Variants in CRABP1 observed in about 807,000 individuals in gnomAD.
The protein encoded by CRABP1 is cellular retinoic acid-binding protein 1.
A neutral mutation model predicts 16.4 loss-of-function variants in CRABP1; 9 were observed. The ratio of observed to expected loss-of-function variants is 0.55; its 90% confidence interval spans 0.33 to 0.96. CRABP1 has a LOEUF of 0.96. Among genes scored for constraint, CRABP1 ranks in the 40% least tolerant of loss-of-function variants. CRABP1 has a pLI of 0.03. For synonymous variants in CRABP1, 72 were observed against 70.4 expected (o/e 1.02, Z -0.11); for missense variants, 157 against 186.0 (o/e 0.84, Z 0.91).
chr15:78,343,976 T>G (rs949834933), intron 3 of CRABP1, among the ~76,000 whole-genome samples: 4 of 152,202 alleles, frequency 2.6e-5, no homozygotes, highest in Non-Finnish European at 4.4e-5. Context: ...AGAAGGGATT[T>G]TTTTTCATTC....
At chr15:78,347,352 G>A (rs779256456) in intron 3 of CRABP1, among the ~76,000 whole-genome samples, 1 of 152,200 alleles carries the variant, frequency 6.6e-6, no homozygotes, top group Non-Finnish European at 1.5e-5. Context: ...AGCTGCAGGG[G>A]CTAGGTTTGG....
In CRABP1 at chr15:78,341,264, G is replaced by C. The variant is rs1201493492; in HGVS notation, c.249+43G>C. On this transcript the variant is annotated intron_variant, in intron 2 of 3. Coordinates refer to ENST00000299529, the MANE Select transcript of CRABP1 (RefSeq NM_004378.3). This position sits in a 1 kb window ranked among gnomAD's most constrained non-coding sequence, Gnocchi z 5.3. Reference sequence around the variant, plus strand: ...CTACAGCGTCCCCGTGTCCCCGCTCGGTGCCCATGGCCCACTGCTGCTGGA... The same window carrying C: ...CTACAGCGTCCCCGTGTCCCCGCTCCGTGCCCATGGCCCACTGCTGCTGGA... 4 of 1,575,622 alleles carry C rather than the reference G, an allele frequency of 2.5e-6. No homozygotes were observed. Among genetic ancestry groups the C allele is most frequent in the African/African-American group, 1.3e-5 (1 of 74,108 alleles).
chr15:78,343,394 A>G (rs2050246132), intron 2 of CRABP1, 105 bp from the exon 3 acceptor site: 1 of 847,556 alleles, frequency 1.2e-6, no homozygotes, highest in South Asian at 1.6e-5. Context: ...GACAGGGACC[A>G]TGTGTTGATT....
rs1386948731 is a variant in CRABP1 at position 78,341,655 on chromosome 15, G to A, written c.249+434G>A. 3 of 297,154 alleles carry A rather than the reference G, an allele frequency of 1.0e-5. No homozygotes were observed. Among genetic ancestry groups the A allele is most frequent in the Non-Finnish European group, 1.3e-5 (2 of 151,148 alleles). The allele number at this position is 297,154 out of a possible 1,614,324, so 18.4% of individuals were successfully genotyped here. ...CCGCGCCCGCCCGGGTCCCTGGGCC[G>A]CCTGGGTACGCTCTGGATACAGTTT... On this transcript the variant is annotated intron_variant, in intron 2 of 3. Coordinates refer to ENST00000299529, the MANE Select transcript of CRABP1 (RefSeq NM_004378.3). The surrounding 1 kb of genome is among the most constrained non-coding windows in gnomAD (Gnocchi z 5.3).
intron 2 of CRABP1, among the ~76,000 whole-genome samples, chr15:78,342,854 G>C (rs574163778): frequency 6.6e-6 from 1 of 152,280 alleles, no homozygotes; most frequent in East Asian, 1.9e-4. Flanking sequence ...GTCAAATCTT[G>C]TGGTTCTGAT....
chr15:78,345,798 T>G (rs2050262019), intron 3 of CRABP1, among the ~76,000 whole-genome samples: 1 of 152,192 alleles, frequency 6.6e-6, no homozygotes, highest in Non-Finnish European at 1.5e-5. Flanking sequence ...CAAGGGTTAT[T>G]ATCATTAATA....
In CRABP1 at chr15:78,348,068, T is replaced by G; in HGVS notation, c.*91T>G. On this transcript the variant is annotated 3_prime_UTR_variant, in exon 4 of 4. Transcript: ENST00000299529. ...CTGAGCTGCCAGTGGACCGCCCTTT[T>G]CCCCTACCAATATTAGGTGATCCCG... 8.1e-7 allele frequency: 1 copy of G among 1,229,576 alleles called. No homozygotes were observed. The highest frequency in any genetic ancestry group is 1.2e-6 in the Non-Finnish European group (1 of 847,198). 76.2% of individuals were successfully genotyped at this position (1,229,576 alleles called of 1,614,324 possible). A position where few individuals can be genotyped will look rare whatever the true frequency, so the allele number is the denominator to read the frequency against.
chr15:78,342,422 C>CT (rs1166218564), intron 2 of CRABP1, among the ~76,000 whole-genome samples: 2 of 151,882 alleles, frequency 1.3e-5, no homozygotes, highest in Non-Finnish European at 2.9e-5. Flanking sequence ...GAGAGTGGGG[C>CT]TTTATGCACC....
intron 2 of CRABP1, 27 bp from the exon 3 acceptor site, chr15:78,343,472 T>C: frequency 6.4e-7 from 1 of 1,562,364 alleles, no homozygotes; most frequent in Non-Finnish European, 8.8e-7. Flanking sequence ...CTCTAATTAA[T>C]GTCACTAATG....
chr15:78,340,701 A>G, intron 1 of CRABP1: 2 of 639,154 alleles, frequency 3.1e-6, no homozygotes, highest in Non-Finnish European at 5.3e-6. Context: ...GCGTTCAGCG[A>G]ACGTTTGCTG....
Position 78,348,160 on chromosome 15 carries a change from C to A in CRABP1, c.*183C>A. The A allele has an allele frequency of 1.6e-6, 1 of 607,932 alleles. No homozygotes were observed. 37.7% of individuals were successfully genotyped at this position (607,932 alleles called of 1,614,324 possible). On this transcript the variant is annotated 3_prime_UTR_variant, in exon 4 of 4. Transcript: ENST00000299529. ...CCCAGGCCTTGGTGCCTCTTGTATCCCTAGTGCTCCATAGTTTGGCATTTG... is the reference window on the plus strand; with the variant it reads ...CCCAGGCCTTGGTGCCTCTTGTATCACTAGTGCTCCATAGTTTGGCATTTG...
In CRABP1 at chr15:78,348,153, T is replaced by C. The variant is rs1042251710; in HGVS notation, c.*176T>C. Reference sequence around the variant, plus strand: ...CCCACCCCCCAGGCCTTGGTGCCTCTTGTATCCCTAGTGCTCCATAGTTTG... The same window carrying C: ...CCCACCCCCCAGGCCTTGGTGCCTCCTGTATCCCTAGTGCTCCATAGTTTG... On this transcript the variant is annotated 3_prime_UTR_variant, in exon 4 of 4. Coordinates refer to ENST00000299529, the MANE Select transcript of CRABP1 (RefSeq NM_004378.3). The C allele has an allele frequency of 1.6e-6, 1 of 619,096 alleles. No individual in the cohort carries two copies. The highest frequency in any genetic ancestry group is 1.9e-5 in the African/African-American group (1 of 53,974). 38.4% of individuals were successfully genotyped at this position (619,096 alleles called of 1,614,324 possible). A position where few individuals can be genotyped will look rare whatever the true frequency, so the allele number is the denominator to read the frequency against.
intron 3 of CRABP1, among the ~76,000 whole-genome samples, chr15:78,344,467 AAG>A (rs929487179): frequency 2.2e-4 from 34 of 151,976 alleles, no homozygotes; most frequent in African/African-American, 8.2e-4. Context: ...AAAAAAAAAA[AAG>A]TATTCAGACG....
intron 3 of CRABP1, among the ~76,000 whole-genome samples, chr15:78,345,755 G>T (rs2050261819): frequency 6.6e-6 from 1 of 152,128 alleles, no homozygotes; most frequent in Non-Finnish European, 1.5e-5. Context: ...ATTAACTCTT[G>T]GCATTTTGGA....
At position 78,346,166 on chromosome 15, in the gene CRABP1, C is replaced by T. The variant is rs2050264110; in HGVS notation, c.364-1761C>T. Among the ~76,000 whole-genome samples the T allele has an allele frequency of 2.0e-5, 3 of 152,296 alleles. No individual in the cohort carries two copies. The South Asian group carries it at 6.2e-4, about 32-fold the overall frequency. ...AAATGCTGGCAGCCATTTGACAATCCATGGCTGTAGAACTCAAAGAATTAT... is the reference window on the plus strand; with the variant it reads ...AAATGCTGGCAGCCATTTGACAATCTATGGCTGTAGAACTCAAAGAATTAT... On this transcript the variant is annotated intron_variant, in intron 3 of 3. Coordinates refer to ENST00000299529, the MANE Select transcript of CRABP1 (RefSeq NM_004378.3).
At chr15:78,346,023 C>A (rs369987357) in intron 3 of CRABP1, among the ~76,000 whole-genome samples, 1 of 152,074 alleles carries the variant, frequency 6.6e-6, no homozygotes, top group Admixed American at 6.6e-5. Context: ...CTGAGAAGGG[C>A]GCTTCAAATG....
intron 1 of CRABP1, 147 bp downstream of exon 1, chr15:78,340,645 A>G: frequency 6.8e-6 from 6 of 882,814 alleles, no homozygotes; most frequent in Non-Finnish European, 1.0e-5. Flanking sequence ...CTTGTCTCCC[A>G]GGCGCACCGG....
Position 78,341,047 on chromosome 15 carries a change from G to A in CRABP1, c.75G>A (p.Val25=), listed in dbSNP as rs781255056. ...CCTGTGGTGCACCCTGCGCAGGTGT[G>A]AACGCCATGCTGAGGAAAGTGGCCG... ...NFDELLKALG[V]NAMLRKVAVA... The change falls in exon 2 of 4, where the codon GTG becomes GTA. Residue 25 remains valine (V), a synonymous_variant. Coordinates refer to ENST00000299529, the MANE Select transcript of CRABP1 (RefSeq NM_004378.3). This position sits in a 1 kb window ranked among gnomAD's most constrained non-coding sequence, Gnocchi z 5.3. The A allele has an allele frequency of 2.2e-5, 35 of 1,607,758 alleles. No individual in the cohort carries two copies. Among genetic ancestry groups the A allele is most frequent in the Non-Finnish European group, 2.8e-5 (33 of 1,179,542 alleles).
At position 78,341,494 on chromosome 15, in the gene CRABP1, T is replaced by G; in HGVS notation, c.249+273T>G. The G allele has an allele frequency of 9.2e-6, 4 of 434,612 alleles. No individual in the cohort carries two copies. The highest frequency in any genetic ancestry group is 4.8e-5 in the East Asian group (1 of 20,860). The allele number at this position is 434,612 out of a possible 1,614,324, so 26.9% of individuals were successfully genotyped here. On this transcript the variant is annotated intron_variant, in intron 2 of 3. Coordinates refer to ENST00000299529, the MANE Select transcript of CRABP1 (RefSeq NM_004378.3). The surrounding 1 kb of genome is among the most constrained non-coding windows in gnomAD (Gnocchi z 5.3). The stretch of plus-strand genomic sequence containing the variant: ...AGAGCGGGCTCTGGGTTGCGCCGCG[T>G]TCCCAGCAGTGGCTTTTGCAGCGGT...
Sources: allele counts gnomAD v4.1 joint callset (sites outside exome capture counted in the v4.1 genomes callset), GRCh38; gene constraint gnomAD v4.1.1; non-coding constraint Gnocchi (gnomAD v3.1); transcripts MANE v1.5; gene names NCBI Gene and HGNC (gene_info 2026-07-23, HGNC 2026-07-21).